Variants in SLC27A1 observed in about 807,000 individuals in gnomAD.
SLC27A1 encodes the protein solute carrier family 27 member 1, also known as long-chain fatty acid transport protein 1.
A neutral mutation model predicts 62.2 loss-of-function variants in SLC27A1; 61 were observed. That is an observed-to-expected ratio of 0.98 (90% CI 0.80 to 1.21). SLC27A1 has a LOEUF of 1.21. Among genes scored for constraint, SLC27A1 ranks in the 50% most tolerant of loss-of-function variants. The pLI, the probability that SLC27A1 is intolerant of heterozygous loss-of-function variation, is 0.00. For missense variants in SLC27A1, 903 were observed against 932.1 expected (o/e 0.97, Z 0.41); for synonymous variants, 435 against 408.6 (o/e 1.06, Z -0.78).
In SLC27A1 at chr19:17,472,749, A is replaced by G. The variant is rs561564995; in HGVS notation, c.167+2042A>G. 2.2e-4 allele frequency among the ~76,000 whole-genome samples: 34 copies of G among 151,850 alleles called. No homozygotes were observed. In the South Asian group the frequency reaches 7.1e-3, roughly 32 times the overall value. ...ACCGTATTAACCAGGCTGGTCTCAA[A>G]CTCCTGACATCACGTAGTCCGCCTG... is the stretch of plus-strand genomic sequence containing the variant. On this transcript the variant is annotated intron_variant, in intron 1 of 11. Transcript: ENST00000252595.
At chr19:17,499,980 G>T in intron 7 of SLC27A1, 1 of 431,380 alleles carries the variant, frequency 2.3e-6, no homozygotes, top group Non-Finnish European at 4.2e-6. Flanking sequence ...GTCTGACGTA[G>T]CTGTAGTGTC....
At chr19:17,501,140 C>T (rs2075407970) in intron 10 of SLC27A1, 133 bp from the exon 11 acceptor site, 8 of 1,346,160 alleles carry the variant, frequency 5.9e-6, no homozygotes, top group Non-Finnish European at 8.0e-6. Flanking sequence ...TGTGTGGCTG[C>T]TTCCATAAAT....
In SLC27A1 at chr19:17,491,885, AAAAAG is replaced by A. The variant is rs754465920; in HGVS notation, c.996+2788_996+2792del. Among the ~76,000 whole-genome samples, 112 of 151,636 alleles carry A rather than the reference AAAAAG, an allele frequency of 7.4e-4. 1 individual carries two copies. The highest frequency in any genetic ancestry group is 8.3e-4 in the South Asian group (4 of 4,832). On this transcript the variant is annotated intron_variant, in intron 6 of 11. Coordinates refer to ENST00000252595, the MANE Select transcript of SLC27A1 (RefSeq NM_198580.3). ...CAAGCCCCTATCTCAAAAAAATAAA[AAAAAG>A]AAAAGAAAAGAAAAGAAAATATTTC... is the stretch of plus-strand genomic sequence containing the variant.
At chr19:17,473,903 A>G (rs923313882) in intron 1 of SLC27A1, among the ~76,000 whole-genome samples, 3 of 152,052 alleles carry the variant, frequency 2.0e-5, no homozygotes, top group Admixed American at 2.0e-4. Flanking sequence ...AACTCATTTA[A>G]CCCAGCATTT....
chr19:17,494,781 G>A (rs79695347), intron 6 of SLC27A1, among the ~76,000 whole-genome samples: 1,208 of 117,606 alleles, frequency 0.01, 27 homozygotes, highest in African/African-American at 0.036. Flanking sequence ...AAGTTCTACC[G>A]AGGATTTTTT....
Position 17,470,615 on chromosome 19 carries a change from C to T in SLC27A1, c.75C>T (p.Thr25=). 1 of 1,570,852 alleles carries T rather than the reference C, an allele frequency of 6.4e-7. No individual in the cohort carries two copies. The highest frequency in any genetic ancestry group is 8.6e-7 in the Non-Finnish European group (1 of 1,166,228). ...TGTGGCTGCTGGGGCTGCCGTGGAC[C>T]TGGAGCGCGGCAGCGGCGCTCGGCG... ...ALLWLLGLPW[T]WSAAAALGVY... The change falls in exon 1 of 12, where the codon ACC becomes ACT. Residue 25 remains threonine, a synonymous_variant. Coordinates refer to ENST00000252595, the MANE Select transcript of SLC27A1 (RefSeq NM_198580.3).
rs764081966 is a variant in SLC27A1, at chr19:17,486,921, G to A, written c.526G>A (p.Ala176Thr). The change falls in exon 2 of 12, where the codon GCT becomes ACT. Residue 176 changes from alanine (A) to threonine (T), a missense_variant. Coordinates refer to ENST00000252595, the MANE Select transcript of SLC27A1 (RefSeq NM_198580.3). The surrounding 1 kb of genome is among the most constrained non-coding windows in gnomAD (Gnocchi z 6.6). ...PLAFCLGTSG[A>T]KALIFGGEMV... ...GGCCTTCTGCCTGGGCACCTCGGGC[G>A]CTAAGGCCCTGATCTTTGGAGGAGA... 1.3e-6 allele frequency: 2 copies of A among 1,590,736 alleles called. No individual in the cohort carries two copies. The highest frequency in any genetic ancestry group is 8.5e-7 in the Non-Finnish European group (1 of 1,175,662).
At chr19:17,495,345 G>T (rs554499230) in intron 6 of SLC27A1, 2 of 144,300 alleles carry the variant, frequency 1.4e-5, no homozygotes, top group South Asian at 4.4e-4. Context: ...GCAGTGGCGC[G>T]ATCTCGGCCC....
chr19:17,483,073 T>TGAATGAGGGAACGAGTGAAGGAGG, intron 1 of SLC27A1, among the ~76,000 whole-genome samples: 1 of 151,016 alleles, frequency 6.6e-6, no homozygotes, highest in African/African-American at 2.4e-5. Flanking sequence ...AAGGAGGGAA[T>TGAATGAGGGAACGAGTGAAGGAGG]GAATGAATGA....
chr19:17,474,779 C>T (rs2075106772), intron 1 of SLC27A1, among the ~76,000 whole-genome samples: 2 of 151,614 alleles, frequency 1.3e-5, no homozygotes, highest in Admixed American at 6.6e-5. Flanking sequence ...TACCGGCATG[C>T]ACCACCACGC....
intron 11 of SLC27A1, among the ~76,000 whole-genome samples, chr19:17,502,826 C>T (rs545242963): frequency 3.6e-4 from 54 of 151,924 alleles, no homozygotes; most frequent in African/African-American, 1.3e-3. Context: ...GCTAGGACTA[C>T]AGGCAGGCAC....
At chr19:17,488,013 C>T (rs552845665) in intron 4 of SLC27A1, among the ~76,000 whole-genome samples, 1 of 152,274 alleles carries the variant, frequency 6.6e-6, no homozygotes, top group South Asian at 2.1e-4. Context: ...AATCCTAAAT[C>T]AGACCTCCCC....
intron 1 of SLC27A1, among the ~76,000 whole-genome samples, chr19:17,479,676 G>T (rs909719737): frequency 1.3e-5 from 2 of 151,800 alleles, no homozygotes; most frequent in African/African-American, 4.8e-5. Context: ...GATGAGTCTT[G>T]CTCTGTGGCT....
At chr19:17,492,093 C>T (rs561139651) in intron 6 of SLC27A1, among the ~76,000 whole-genome samples, 1 of 152,228 alleles carries the variant, frequency 6.6e-6, no homozygotes, top group Non-Finnish European at 1.5e-5. Context: ...TCCCTGGCCT[C>T]CCTGCACCAG....
At position 17,486,746 on chromosome 19, in the gene SLC27A1, C is replaced by T. The variant is rs1444017221; in HGVS notation, c.351C>T (p.Ala117=). The change falls in exon 2 of 12, where the codon GCC becomes GCT. Residue 117 remains alanine, a synonymous_variant. Transcript: ENST00000252595. The surrounding 1 kb of genome is among the most constrained non-coding windows in gnomAD (Gnocchi z 6.6). ...AQLDAYSNAV[A]NLFRQLGFAP... is the part of the protein sequence containing the mutation. ...TGGACGCCTACTCCAATGCGGTAGCCAACCTCTTCCGCCAGCTGGGCTTCG... is the reference window on the plus strand; with the variant it reads ...TGGACGCCTACTCCAATGCGGTAGCTAACCTCTTCCGCCAGCTGGGCTTCG... 1.2e-6 allele frequency: 2 copies of T among 1,610,188 alleles called. No homozygotes were observed. Among genetic ancestry groups the T allele is most frequent in the East Asian group, 4.5e-5 (2 of 44,772 alleles).
At chr19:17,469,341 G>C (rs2075050909), upstream of SLC27A1, among the ~76,000 whole-genome samples, 2 of 152,238 alleles carry the variant, frequency 1.3e-5, no homozygotes, top group South Asian at 4.1e-4. Context: ...AAGACCGAAA[G>C]AGGCTTTGGG....
chr19:17,501,976 C>T (rs1290352859), intron 11 of SLC27A1, among the ~76,000 whole-genome samples: 1 of 151,138 alleles, frequency 6.6e-6, no homozygotes, highest in African/African-American at 2.4e-5. Flanking sequence ...ATTAGCCAGG[C>T]ATGGTGGCAT....
chr19:17,500,479 A>G lies in SLC27A1; in HGVS notation c.1334-16A>G. 1.2e-6 allele frequency: 2 copies of G among 1,613,344 alleles called. No homozygotes were observed. The highest frequency in any genetic ancestry group is 3.3e-5 in the Admixed American group (2 of 59,958). On this transcript the variant is annotated splice_polypyrimidine_tract_variant and intron_variant, in intron 8 of 11. Coordinates refer to ENST00000252595, the MANE Select transcript of SLC27A1 (RefSeq NM_198580.3). ...CCTGCCTGCCTAGCGCAGCCTGAAC[A>G]TGGCCTTCTCCCTAGGGGAGCCTGG...
In SLC27A1 at chr19:17,500,522, TCAAC is replaced by T. The variant is rs1382842694; in HGVS notation, c.1366_1369del (p.Gln456ArgfsTer38). ...GAGCCTGGCCTCCTTGTGGGTCAGA[TCAAC>T]CAACAGGACCCGCTGCGCCGCTTCG... On this transcript the variant is annotated frameshift_variant, in exon 9 of 12. Transcript: ENST00000252595. LOFTEE classifies it high-confidence loss of function. The T allele has an allele frequency of 1.2e-6, 2 of 1,613,682 alleles. No homozygotes were observed. Among genetic ancestry groups the T allele is most frequent in the Non-Finnish European group, 1.7e-6 (2 of 1,179,836 alleles).
Sources: allele counts gnomAD v4.1 joint callset (sites outside exome capture counted in the v4.1 genomes callset), GRCh38; gene constraint gnomAD v4.1.1; non-coding constraint Gnocchi (gnomAD v3.1); transcripts MANE v1.5; gene names NCBI Gene and HGNC (gene_info 2026-07-23, HGNC 2026-07-21).